Variants in EYS observed in about 807,000 individuals in gnomAD.
EYS encodes EGF-like photoreceptor maintenance factor, also known as protein eyes shut homolog.
EYS carries 250 observed loss-of-function variants against 282.1 expected under a neutral mutation model. The observed-to-expected ratio is 0.89, with a 90% confidence interval of 0.80 to 0.98. The LOEUF (loss-of-function observed/expected upper bound fraction) is 0.98, where lower values mean the gene tolerates loss of function less well. EYS is among the 50% of genes least tolerant of loss of function. The pLI is 0.00. For synonymous variants in EYS, 1,355 were observed against 1,282.9 expected (o/e 1.06, Z -1.20); for missense variants, 4,016 against 3,709.0 (o/e 1.08, Z -2.15).
intron 29 of EYS, among the ~76,000 whole-genome samples, chr6:64,337,503 A>G (rs559434209): frequency 6.6e-6 from 1 of 152,200 alleles, no homozygotes; most frequent in African/African-American, 2.4e-5. Flanking sequence ...TTACCAACAA[A>G]AAAATTCCAG....
chr6:64,332,695 C>T (rs1213601602), intron 29 of EYS, among the ~76,000 whole-genome samples: 1 of 152,168 alleles, frequency 6.6e-6, no homozygotes, highest in Non-Finnish European at 1.5e-5. Flanking sequence ...ACACTGGAGG[C>T]TGGTCGGTCC....
intron 2 of EYS, among the ~76,000 whole-genome samples, chr6:65,534,002 G>A (rs1211903556): frequency 1.3e-5 from 2 of 151,858 alleles, no homozygotes; most frequent in African/African-American, 4.8e-5. Context: ...AGTCATCCTG[G>A]TGTCTGTGCC....
intron 33 of EYS, among the ~76,000 whole-genome samples, chr6:64,000,180 T>TCAG (rs760587378): frequency 0.027 from 1,286 of 47,010 alleles, 173 homozygotes; most frequent in Non-Finnish European, 0.034. Context: ...TTTTTTTTTT[T>TCAG]TTTTTTTTTT....
At chr6:65,072,404 T>C (rs908421347) in intron 12 of EYS, among the ~76,000 whole-genome samples, 8 of 151,744 alleles carry the variant, frequency 5.3e-5, no homozygotes, top group African/African-American at 1.4e-4. Context: ...TTGCTGTGAA[T>C]TGAAGAAAGC....
chr6:64,687,606 G>A (rs145438981), intron 22 of EYS, among the ~76,000 whole-genome samples: 1 of 152,158 alleles, frequency 6.6e-6, no homozygotes, highest in Admixed American at 6.5e-5. Context: ...TTGATATGCG[G>A]CTGGATTCGG....
chr6:64,196,700 C>T (rs561677260), intron 31 of EYS, among the ~76,000 whole-genome samples: 36 of 143,014 alleles, frequency 2.5e-4, no homozygotes, highest in African/African-American at 8.9e-4. Flanking sequence ...ACAATGAGAA[C>T]ACATGGACAC....
chr6:63,730,186 A>T (rs1768746719), intron 41 of EYS, among the ~76,000 whole-genome samples: 1 of 152,172 alleles, frequency 6.6e-6, no homozygotes, highest in South Asian at 2.1e-4. Flanking sequence ...GCTGCATGAT[A>T]TATTTCATAT....
intron 12 of EYS, among the ~76,000 whole-genome samples, chr6:65,100,413 T>G (rs2150182958): frequency 6.6e-6 from 1 of 150,908 alleles, no homozygotes; most frequent in South Asian, 2.1e-4. Flanking sequence ...TGAATGCACA[T>G]TTTAAAATGA....
chr6:65,117,194 G>A (rs1253175474), intron 12 of EYS, among the ~76,000 whole-genome samples: 2 of 152,170 alleles, frequency 1.3e-5, no homozygotes, highest in African/African-American at 4.8e-5. Context: ...CCTAACCCAA[G>A]TGAACCAAAT....
chr6:65,409,936 C>T (rs552784811), intron 5 of EYS, among the ~76,000 whole-genome samples: 1 of 152,100 alleles, frequency 6.6e-6, no homozygotes, highest in South Asian at 2.1e-4. Context: ...GAAAACAACT[C>T]AACCTTTAAT....
intron 19 of EYS, among the ~76,000 whole-genome samples, chr6:64,845,699 G>T (rs1182514005): frequency 6.6e-6 from 1 of 151,906 alleles, no homozygotes; most frequent in Non-Finnish European, 1.5e-5. Flanking sequence ...TCTTTTTGAT[G>T]ACTTACTTGA....
At chr6:65,263,848 C>T (rs1167392169) in intron 12 of EYS, among the ~76,000 whole-genome samples, 1 of 151,626 alleles carries the variant, frequency 6.6e-6, no homozygotes, top group East Asian at 1.9e-4. Flanking sequence ...CTTTAAGGTG[C>T]TATAATTGCA....
intron 12 of EYS, among the ~76,000 whole-genome samples, chr6:65,275,260 T>C (rs1482207225): frequency 2.6e-5 from 4 of 152,314 alleles, no homozygotes; most frequent in South Asian, 2.1e-4. Flanking sequence ...AAACAGCTGT[T>C]GGTATGTTAC....
At chr6:64,961,446 A>T (rs190183973) in intron 14 of EYS, among the ~76,000 whole-genome samples, 1 of 120,156 alleles carries the variant, frequency 8.3e-6, no homozygotes, top group Non-Finnish European at 1.6e-5. Context: ...ATCCTTTCCA[A>T]TATATCATAT....
intron 12 of EYS, among the ~76,000 whole-genome samples, chr6:65,173,266 C>T (rs7773376): frequency 0.092 from 13,934 of 150,982 alleles, 726 homozygotes; most frequent in African/African-American, 0.14. Flanking sequence ...ACATGCTTCC[C>T]GAAAATGATG....
intron 24 of EYS, among the ~76,000 whole-genome samples, chr6:64,595,708 A>C (rs1216945894): frequency 1.3e-5 from 2 of 152,216 alleles, no homozygotes; most frequent in Non-Finnish European, 2.9e-5. Flanking sequence ...CAAAAGAAAT[A>C]CATAGGAATA....
intron 2 of EYS, among the ~76,000 whole-genome samples, chr6:65,635,455 C>T (rs1767052491): frequency 6.6e-6 from 1 of 152,094 alleles, no homozygotes; most frequent in Non-Finnish European, 1.5e-5. Context: ...CTTTGAGAGA[C>T]ATTTAGTTTA....
intron 29 of EYS, among the ~76,000 whole-genome samples, chr6:64,325,611 G>T (rs1478091479): frequency 6.6e-6 from 1 of 152,174 alleles, no homozygotes; most frequent in Non-Finnish European, 1.5e-5. Context: ...AAGTTATTAA[G>T]CTAATCAGGG....
chr6:63,989,067 T>C (rs1562135450), intron 34 of EYS, among the ~76,000 whole-genome samples: 1 of 151,622 alleles, frequency 6.6e-6, no homozygotes, highest in Non-Finnish European at 1.5e-5. Context: ...TTATTTTGCA[T>C]TCTCAATTCT....
Sources: gnomAD v4.1 joint callset for allele counts (sites outside exome capture counted in the v4.1 genomes callset) on GRCh38, gnomAD v4.1.1 for gene constraint, MANE v1.5 for transcripts, NCBI Gene and HGNC (gene_info 2026-07-23, HGNC 2026-07-21) for gene names.